The following ABAT variants were observed in gnomAD, a reference collection of about 807,000 sequenced individuals.
ABAT encodes 4-aminobutyrate aminotransferase.
In ABAT, 45 loss-of-function variants were observed where a neutral mutation model predicts 64.6. The ratio of observed to expected loss-of-function variants is 0.70; its 90% CI spans 0.55 to 0.89. The LOEUF (loss-of-function observed/expected upper bound fraction) is 0.89. ABAT is among the 40% of genes least tolerant of loss of function. The pLI is 0.00. For missense variants in ABAT, 633 were observed against 658.4 expected, an observed-to-expected ratio of 0.96 and a Z score of 0.42; for synonymous variants, 297 against 250.5, an observed-to-expected ratio of 1.19 and a Z score of -1.75.
At chr16:8,704,701 A>T (rs1230029746) in intron 1 of ABAT, among the ~76,000 whole-genome samples, 1 of 152,130 alleles carries the variant, frequency 6.6e-6, no homozygotes, top group African/African-American at 2.4e-5. Context: ...CTCTCATTAC[A>T]TGGCTTAAAA....
intron 3 of ABAT, 113 bp downstream of exon 3, chr16:8,746,211 G>C (rs1401515056): frequency 1.2e-6 from 1 of 822,740 alleles, no homozygotes; most frequent in East Asian, 2.7e-5. Flanking sequence ...CTTTCAGAGA[G>C]TTCACCACCA....
intron 5 of ABAT, among the ~76,000 whole-genome samples, chr16:8,755,659 C>G (rs1015116004): frequency 1.3e-5 from 2 of 152,142 alleles, no homozygotes; most frequent in African/African-American, 4.8e-5. Context: ...ACCTGTAATC[C>G]TAGCACTTTG....
At chr16:8,767,977 A>G (rs1315140981) in intron 9 of ABAT, among the ~76,000 whole-genome samples, 2 of 151,022 alleles carry the variant, frequency 1.3e-5, no homozygotes, top group Admixed American at 6.6e-5. Context: ...CACCCAGCCT[A>G]AAATTTGTGA....
intron 1 of ABAT, among the ~76,000 whole-genome samples, chr16:8,699,735 T>C (rs1420930876): frequency 6.6e-6 from 1 of 151,982 alleles, no homozygotes; most frequent in East Asian, 1.9e-4. Context: ...CTGATATTTT[T>C]TGGTAATTTT....
intron 1 of ABAT, among the ~76,000 whole-genome samples, chr16:8,729,703 G>A (rs1482698375): frequency 6.6e-6 from 1 of 151,904 alleles, no homozygotes; most frequent in African/African-American, 2.4e-5. Flanking sequence ...GTGCATGCCT[G>A]TAGTCCCAGC....
At chr16:8,698,525 G>C (rs952257764) in intron 1 of ABAT, among the ~76,000 whole-genome samples, 1 of 152,042 alleles carries the variant, frequency 6.6e-6, no homozygotes, top group African/African-American at 2.4e-5. Context: ...GTAGAGATGG[G>C]GTTTCACCAT....
At chr16:8,683,623 T>C (rs1730940) in intron 1 of ABAT, 88,712 of 150,784 alleles carry the variant, frequency 0.59, 26,427 homozygotes, top group East Asian at 0.77. Flanking sequence ...ATATGGGGTG[T>C]AGGGGGAGCA....
intron 2 of ABAT, chr16:8,736,760 G>C (rs567720877): frequency 1.3e-5 from 2 of 152,344 alleles, no homozygotes; most frequent in South Asian, 4.1e-4. Context: ...AGAGAACTCA[G>C]GCTTAGAGAA....
At chr16:8,700,623 T>C (rs1335947612) in intron 1 of ABAT, among the ~76,000 whole-genome samples, 2 of 152,166 alleles carry the variant, frequency 1.3e-5, no homozygotes, top group African/African-American at 4.8e-5. Context: ...AAAGAGACAT[T>C]GACTTGCTGT....
At chr16:8,705,482 G>C (rs1596407332) in intron 1 of ABAT, 1 of 152,158 alleles carries the variant, frequency 6.6e-6, no homozygotes, top group African/African-American at 2.4e-5. Flanking sequence ...TTACCGGAAA[G>C]CCTGCTAGAC....
chr16:8,738,219 G>A (rs926261618), intron 2 of ABAT, among the ~76,000 whole-genome samples: 7 of 151,864 alleles, frequency 4.6e-5, no homozygotes, highest in African/African-American at 1.5e-4. Context: ...TACTGGGGAG[G>A]CTGAAGCGGG....
rs1360373345 is a variant in ABAT, at chr16:8,775,021, G to T, written c.1086G>T (p.Gly362=). The change falls in exon 13 of 16, where the codon GGG becomes GGT. Residue 362 remains glycine, a synonymous_variant. Coordinates refer to ENST00000268251, the MANE Select transcript of ABAT (RefSeq NM_020686.6). Reference sequence around the variant, plus strand: ...CCTTCAGCAAGAAGATGATGACTGGGGGCTTCTTCCACAAGGAGGAGTTCA... The same window carrying T: ...CCTTCAGCAAGAAGATGATGACTGGTGGCTTCTTCCACAAGGAGGAGTTCA... The part of the protein sequence containing the change: ...VMTFSKKMMT[G]GFFHKEEFRP... 2 of 1,614,068 alleles carry T rather than the reference G, an allele frequency of 1.2e-6. No individual in the cohort carries two copies. The highest frequency in any genetic ancestry group is 3.3e-5 in the Admixed American group (2 of 59,998).
intron 14 of ABAT, among the ~76,000 whole-genome samples, chr16:8,778,298 G>A (rs913191140): frequency 4.6e-5 from 7 of 152,188 alleles, no homozygotes; most frequent in Non-Finnish European, 1.0e-4. Flanking sequence ...GGTTTCAGCA[G>A]AGTTGGCTCC....
chr16:8,734,492 G>A (rs747501705), intron 1 of ABAT, among the ~76,000 whole-genome samples: 18 of 152,134 alleles, frequency 1.2e-4, no homozygotes, highest in Admixed American at 2.6e-4. Context: ...ATGTGAGTTC[G>A]GCTTTCAGAT....
At chr16:8,707,515 G>T (rs1474745233) in intron 1 of ABAT, among the ~76,000 whole-genome samples, 2 of 151,948 alleles carry the variant, frequency 1.3e-5, no homozygotes, top group African/African-American at 4.8e-5. Flanking sequence ...AGAGGCAAAT[G>T]AGAGTCCCTT....
Position 8,764,942 on chromosome 16 carries a change from T to A in ABAT, c.540+112T>A. 9.9e-7 allele frequency: 1 copy of A among 1,008,464 alleles called. No homozygotes were observed. Among genetic ancestry groups the A allele is most frequent in the Non-Finnish European group, 1.5e-6 (1 of 651,258 alleles). The allele number at this position is 1,008,464 out of a possible 1,614,324, so 62.5% of individuals were successfully genotyped here. ...AATGGGCTGGAGTATTAGACATCAG[T>A]ACCAGGGTTAAAATACAGGGAGGGC... On this transcript the variant is annotated intron_variant, in intron 8 of 15. Transcript: ENST00000268251. This position sits in a 1 kb window ranked among gnomAD's most constrained non-coding sequence, Gnocchi z 4.2.
intron 1 of ABAT, among the ~76,000 whole-genome samples, chr16:8,706,643 G>A (rs565356520): frequency 1.3e-5 from 2 of 152,218 alleles, no homozygotes; most frequent in African/African-American, 4.8e-5. Context: ...AACCTGGGAG[G>A]TGGAGGCTGC....
chr16:8,707,163 A>G (rs2142056577), intron 1 of ABAT, among the ~76,000 whole-genome samples: 1 of 152,204 alleles, frequency 6.6e-6, no homozygotes, highest in Middle Eastern at 3.4e-3. Context: ...AGCAATGCCC[A>G]TGGTGGTCTA....
intron 13 of ABAT, among the ~76,000 whole-genome samples, chr16:8,775,565 TACACACAC>T (rs3069345): frequency 6.6e-6 from 1 of 150,938 alleles, no homozygotes; most frequent in Non-Finnish European, 1.5e-5. Context: ...CATACAGATT[TACACACAC>T]ACACACACAC....
Sources: gnomAD v4.1 joint callset for allele counts (sites outside exome capture counted in the v4.1 genomes callset) on GRCh38, gnomAD v4.1.1 for gene constraint, Gnocchi (gnomAD v3.1) non-coding constraint, MANE v1.5 for transcripts, NCBI Gene and HGNC (gene_info 2026-07-23, HGNC 2026-07-21) for gene names.